Variants in ATRN observed in about 807,000 individuals in gnomAD.
ATRN encodes attractin.
Under a neutral mutation model 178.7 loss-of-function variants are expected in ATRN, and 54 were observed. The observed-to-expected ratio is 0.30, with a 90% confidence interval of 0.24 to 0.38. The LOEUF (loss-of-function observed/expected upper bound fraction) is 0.38, where lower values mean the gene tolerates loss of function less well. ATRN is among the 10% of genes least tolerant of loss of function. The probability of loss-of-function intolerance (pLI) is 1.00; values close to 1 mark genes in which losing one functional copy is unlikely to be tolerated. For synonymous variants in ATRN, 636 were observed against 663.0 expected, an observed-to-expected ratio of 0.96 and a Z score of 0.63; for missense variants, 1,443 against 1,815.1, an observed-to-expected ratio of 0.79 and a Z score of 3.73.
At chr20:3,633,704 G>A (rs2087005415) in intron 25 of ATRN, among the ~76,000 whole-genome samples, 1 of 152,172 alleles carries the variant, frequency 6.6e-6, no homozygotes, top group Non-Finnish European at 1.5e-5. Flanking sequence ...ATACATGAGA[G>A]AGCATTGAAA....
intron 23 of ATRN, among the ~76,000 whole-genome samples, chr20:3,601,781 T>C (rs1415790632): frequency 6.6e-6 from 1 of 150,506 alleles, no homozygotes; most frequent in Non-Finnish European, 1.5e-5. Context: ...AGAGGATCAC[T>C]TGAGCCCAGG....
intron 6 of ATRN, among the ~76,000 whole-genome samples, chr20:3,552,985 A>C (rs1334637047): frequency 6.6e-6 from 1 of 152,094 alleles, no homozygotes; most frequent in East Asian, 1.9e-4. Flanking sequence ...CTGTTTGTTA[A>C]AAGCAAGTCA....
At chr20:3,642,602 GTTAC>G (rs141416994) in intron 27 of ATRN, among the ~76,000 whole-genome samples, 1,829 of 152,274 alleles carry the variant, frequency 0.012, 43 homozygotes, top group African/African-American at 0.042. Flanking sequence ...GATTCTTGCA[GTTAC>G]TTCATAACTG....
At chr20:3,613,141 A>G (rs1480639981) in intron 24 of ATRN, among the ~76,000 whole-genome samples, 6 of 152,200 alleles carry the variant, frequency 3.9e-5, no homozygotes, top group Non-Finnish European at 8.8e-5. Flanking sequence ...TTAAATTAAG[A>G]TCCACTTATG....
In ATRN at chr20:3,562,268, C is replaced by T. The variant is rs1441413884; in HGVS notation, c.1448-8C>T. 1 of 1,606,948 alleles carries T rather than the reference C, an allele frequency of 6.2e-7. No individual in the cohort carries two copies. The highest frequency in any genetic ancestry group is 8.5e-7 in the Non-Finnish European group (1 of 1,175,866). ...CCATGCTTGCCTTTAACTGTCTTTC[C>T]TTTCCAGATAAGAACACATGGAGTA... On this transcript the variant is annotated splice_polypyrimidine_tract_variant and splice_region_variant and intron_variant, in intron 8 of 28. Transcript: ENST00000262919.
intron 1 of ATRN, among the ~76,000 whole-genome samples, chr20:3,534,118 A>G (rs138920369): frequency 2.8e-4 from 42 of 152,352 alleles, no homozygotes; most frequent in African/African-American, 9.6e-4. Context: ...GAGAAAGGCA[A>G]GAACATCAGG....
intron 24 of ATRN, among the ~76,000 whole-genome samples, chr20:3,608,159 G>A (rs2086703083): frequency 6.6e-6 from 1 of 152,044 alleles, no homozygotes; most frequent in Admixed American, 6.6e-5. Flanking sequence ...CATTCTATAA[G>A]CTGTCTCTTC....
rs776745070 is a variant in ATRN at position 3,644,207 on chromosome 20, C to A, written c.4104C>A (p.Val1368=). 1.2e-6 allele frequency: 2 copies of A among 1,614,220 alleles called. No homozygotes were observed. Among genetic ancestry groups the A allele is most frequent in the Non-Finnish European group, 1.7e-6 (2 of 1,180,036 alleles). ...CGTGTTTTGGCAACAAAGCCGCTGT[C>A]CTCTCTGTGTTTGTGAGGCTCCCTC... ...LEPCFGNKAA[V]LSVFVRLPRG... is the part of the protein sequence containing the mutation. Residue 1368 remains valine (V), a synonymous_variant, in exon 28 of 29, where the codon GTC becomes GTA. Coordinates refer to ENST00000262919, the MANE Select transcript of ATRN (RefSeq NM_139321.3).
At position 3,482,805 on chromosome 20, in the gene ATRN, G is replaced by A. The variant is rs185114498; in HGVS notation, c.410+11288G>A. On this transcript the variant is annotated intron_variant, in intron 1 of 28. Coordinates refer to ENST00000262919, the MANE Select transcript of ATRN (RefSeq NM_139321.3). ...AAACACTGACCAATACTGACAAAAT[G>A]TATAACTCATTTTTTTAAAGTGATG... Among the ~76,000 whole-genome samples, 109 of 152,308 alleles carry A rather than the reference G, an allele frequency of 7.2e-4. 1 individual carries two copies. The highest frequency in any genetic ancestry group is 1.4e-3 in the Non-Finnish European group (97 of 68,020).
chr20:3,505,032 T>C (rs1393613021), intron 1 of ATRN, among the ~76,000 whole-genome samples: 6 of 152,160 alleles, frequency 3.9e-5, no homozygotes, highest in Non-Finnish European at 7.4e-5. Context: ...TAATTTTACA[T>C]ATCAACTTGA....
At chr20:3,480,758 A>C (rs1340329597) in intron 1 of ATRN, among the ~76,000 whole-genome samples, 1 of 152,168 alleles carries the variant, frequency 6.6e-6, no homozygotes, top group Non-Finnish European at 1.5e-5. Flanking sequence ...CAGGAGAAAA[A>C]GGAGAGTGTG....
chr20:3,511,300 A>G (rs2085123932), intron 1 of ATRN, among the ~76,000 whole-genome samples: 1 of 152,202 alleles, frequency 6.6e-6, no homozygotes, highest in Non-Finnish European at 1.5e-5. Context: ...ATTAGAAAAG[A>G]CTAATAAAAC....
chr20:3,634,306 C>T lies in ATRN; in HGVS notation c.3864-5C>T. 6.2e-7 allele frequency: 1 copy of T among 1,611,476 alleles called. No individual in the cohort carries two copies. Among genetic ancestry groups the T allele is most frequent in the Admixed American group, 1.7e-5 (1 of 60,014 alleles). On this transcript the variant is annotated splice_region_variant and splice_polypyrimidine_tract_variant and intron_variant, in intron 25 of 28. Transcript: ENST00000262919. Reference sequence around the variant, plus strand: ...ATAATAACTCAGTACTTTCCTTTCTCACAGTTGTTTCCTCTCTTTGCTCCT... The same window carrying T: ...ATAATAACTCAGTACTTTCCTTTCTTACAGTTGTTTCCTCTCTTTGCTCCT...
intron 24 of ATRN, among the ~76,000 whole-genome samples, chr20:3,622,493 C>T (rs769560197): frequency 1.3e-5 from 2 of 151,648 alleles, no homozygotes; most frequent in Non-Finnish European, 2.9e-5. Flanking sequence ...ATGCCTTTTA[C>T]ATTGAGTAAT....
chr20:3,597,809 G>A (rs200720372), intron 21 of ATRN, 97 bp from the exon 22 acceptor site: 7 of 721,008 alleles, frequency 9.7e-6, no homozygotes, highest in South Asian at 1.9e-5. Flanking sequence ...TGCTTTCCTC[G>A]TTACTTAATT....
At chr20:3,572,486 T>G (rs1222557811) in intron 11 of ATRN, among the ~76,000 whole-genome samples, 1 of 152,256 alleles carries the variant, frequency 6.6e-6, no homozygotes, top group East Asian at 1.9e-4. Context: ...AGAAGACTTA[T>G]GATATGTAAG....
intron 24 of ATRN, among the ~76,000 whole-genome samples, chr20:3,612,487 G>A (rs1356660689): frequency 1.3e-5 from 2 of 152,136 alleles, no homozygotes; most frequent in Admixed American, 6.5e-5. Flanking sequence ...CCATCAAGAG[G>A]TGGAAATCTT....
chr20:3,585,779 G>A (rs879568037), intron 18 of ATRN, among the ~76,000 whole-genome samples: 3 of 152,098 alleles, frequency 2.0e-5, no homozygotes, highest in Non-Finnish European at 2.9e-5. Flanking sequence ...AATGGATAAA[G>A]GATTTAAATA....
chr20:3,560,876 A>G lies in ATRN; in HGVS notation c.1418A>G (p.Tyr473Cys). 1.2e-6 allele frequency: 2 copies of G among 1,614,144 alleles called. No individual in the cohort carries two copies. Among genetic ancestry groups the G allele is most frequent in the Non-Finnish European group, 1.7e-6 (2 of 1,180,016 alleles). ...TTTGGTCACTGCCCTCTCTATGGAT[A>G]TATAAGCAATGTGCAGGAATATGAT... ...VIFGHCPLYGYISNVQEYDLD... is the reference protein window; with the variant it reads ...VIFGHCPLYGCISNVQEYDLD... The change falls in exon 8 of 29, where the codon TAT becomes TGT. Residue 473 changes from tyrosine to cysteine, a missense_variant. Around this residue, in one of 4 missense-constraint regions of ATRN, gnomAD observed 862 missense variants for 972.1 expected, o/e 0.89. Coordinates refer to ENST00000262919, the MANE Select transcript of ATRN (RefSeq NM_139321.3).
Sources: allele counts gnomAD v4.1 joint callset (sites outside exome capture counted in the v4.1 genomes callset), GRCh38; gene constraint gnomAD v4.1.1; regional missense constraint gnomAD v4.1.1; transcripts MANE v1.5; gene names NCBI Gene and HGNC (gene_info 2026-07-23, HGNC 2026-07-21).